LIMD1: variants seen among roughly 807,000 people sequenced by gnomAD.
LIMD1 encodes the protein LIM domain-containing protein 1.
Under a neutral mutation model 58.4 loss-of-function variants are expected in LIMD1, and 23 were observed. The ratio of observed to expected loss-of-function variants is 0.39; its 90% CI spans 0.28 to 0.56. LIMD1 has a LOEUF of 0.56. Ranked by LOEUF, LIMD1 falls within the 20% of genes least tolerant of loss-of-function variation. The probability of loss-of-function intolerance (pLI) is 0.57; values close to 1 mark genes in which losing one functional copy is unlikely to be tolerated. For synonymous variants in LIMD1, 334 were observed against 345.5 expected (o/e 0.97, Z 0.37); for missense variants, 838 against 855.5 (o/e 0.98, Z 0.25).
intron 4 of LIMD1, 25 bp downstream of exon 4, chr3:45,668,381 A>T (rs1697545108): frequency 6.3e-7 from 1 of 1,577,892 alleles, no homozygotes; most frequent in Non-Finnish European, 8.7e-7. Context: ...CAAAGAAGAG[A>T]ACAGCATCTC....
intron 1 of LIMD1, 75 bp downstream of exon 1, chr3:45,596,362 A>G (rs1053436697): frequency 3.3e-6 from 4 of 1,218,642 alleles, no homozygotes; most frequent in African/African-American, 3.0e-5. Flanking sequence ...GCCCCCTACC[A>G]GGGATGCTGT....
At chr3:45,676,060 A>G (rs1559527390) in intron 7 of LIMD1, among the ~76,000 whole-genome samples, 1 of 152,116 alleles carries the variant, frequency 6.6e-6, no homozygotes, top group Non-Finnish European at 1.5e-5. Flanking sequence ...CCTGGCCAAC[A>G]TGGTGAAACC....
chr3:45,641,363 G>A (rs931871891), intron 2 of LIMD1, among the ~76,000 whole-genome samples: 11 of 151,960 alleles, frequency 7.2e-5, no homozygotes, highest in Middle Eastern at 3.4e-3. Context: ...TCTTATCTTG[G>A]TTATTGATAG....
chr3:45,662,553 A>G (rs1409361779), intron 2 of LIMD1, among the ~76,000 whole-genome samples: 1 of 152,196 alleles, frequency 6.6e-6, no homozygotes, highest in African/African-American at 2.4e-5. Context: ...TATAAAGGAA[A>G]TAAAATATTA....
intron 2 of LIMD1, among the ~76,000 whole-genome samples, chr3:45,661,147 A>G (rs1697432041): frequency 6.6e-6 from 1 of 152,272 alleles, no homozygotes; most frequent in African/African-American, 2.4e-5. Flanking sequence ...ATGCACCCCC[A>G]CCCACATTCC....
chr3:45,636,095 A>G, intron 1 of LIMD1, 55 bp from the exon 2 acceptor site: 3 of 1,605,600 alleles, frequency 1.9e-6, no homozygotes, highest in Middle Eastern at 1.7e-4. Context: ...CTTTTTTATG[A>G]CTCAGTTTAC....
intron 1 of LIMD1, among the ~76,000 whole-genome samples, chr3:45,599,023 G>A (rs1454840789): frequency 6.6e-6 from 1 of 152,134 alleles, no homozygotes; most frequent in African/African-American, 2.4e-5. Context: ...GGTCATATTG[G>A]GTACTGCTGG....
In LIMD1 at chr3:45,636,245, G is replaced by A; in HGVS notation, c.1504G>A (p.Ala502Thr). Reference sequence around the variant, plus strand: ...CCATGACACATGCTTCACCTGTGCAGCTTGCAGTAAGTGTGGGTGTGGGTG... The same window carrying A: ...CCATGACACATGCTTCACCTGTGCAACTTGCAGTAAGTGTGGGTGTGGGTG... ...LYHDTCFTCA[A>T]CSRKLRGKAF... The change falls in exon 2 of 8, where the codon GCT becomes ACT. Residue 502 changes from alanine to threonine, a missense_variant. Physicochemically the swap from Ala to Thr is moderately conservative, Grantham distance 58. Coordinates refer to ENST00000273317, the MANE Select transcript of LIMD1 (RefSeq NM_014240.3). 3 of 1,606,804 alleles carry A rather than the reference G, an allele frequency of 1.9e-6. No individual in the cohort carries two copies. The highest frequency in any genetic ancestry group is 2.6e-6 in the Non-Finnish European group (3 of 1,176,232).
chr3:45,622,775 T>C (rs1241655384), intron 1 of LIMD1, among the ~76,000 whole-genome samples: 2 of 152,018 alleles, frequency 1.3e-5, no homozygotes, highest in East Asian at 3.9e-4. Context: ...TTCAAGCAAT[T>C]CTCCTGCCTC....
At chr3:45,643,113 G>T (rs1178989882) in intron 2 of LIMD1, among the ~76,000 whole-genome samples, 1 of 152,194 alleles carries the variant, frequency 6.6e-6, no homozygotes, top group Non-Finnish European at 1.5e-5. Flanking sequence ...GCTCCCACCT[G>T]TGCCTCAGAA....
At chr3:45,664,570 G>C (rs1209437738) in intron 2 of LIMD1, among the ~76,000 whole-genome samples, 1 of 152,212 alleles carries the variant, frequency 6.6e-6, no homozygotes, top group African/African-American at 2.4e-5. Flanking sequence ...CAGCAAAGAA[G>C]ATGGATTTGT....
In LIMD1 at chr3:45,636,187, T is replaced by C; in HGVS notation, c.1446T>C (p.Ala482=). The change falls in exon 2 of 8, where the codon GCT becomes GCC. Residue 482 remains alanine, a synonymous_variant. Transcript: ENST00000273317. The part of the protein sequence containing the change: ...CVKCSKGVFG[A]GQACQAMGNL... ...AATGCAGCAAAGGGGTGTTTGGGGC[T>C]GGCCAGGCCTGTCAGGCCATGGGGA... 6.2e-7 allele frequency: 1 copy of C among 1,613,192 alleles called. No homozygotes were observed. Among genetic ancestry groups the C allele is most frequent in the Non-Finnish European group, 8.5e-7 (1 of 1,179,500 alleles).
chr3:45,601,429 G>T (rs1701410206), intron 1 of LIMD1, among the ~76,000 whole-genome samples: 1 of 152,214 alleles, frequency 6.6e-6, no homozygotes, highest in Non-Finnish European at 1.5e-5. Context: ...GGGCTGACAG[G>T]AGGGCAACCT....
chr3:45,675,799 G>T (rs904695398), intron 7 of LIMD1, among the ~76,000 whole-genome samples: 3 of 152,088 alleles, frequency 2.0e-5, no homozygotes, highest in Non-Finnish European at 4.4e-5. Flanking sequence ...ATGAGCCCAG[G>T]AGTTTGAGAA....
chr3:45,604,183 G>A (rs764577672), intron 1 of LIMD1, among the ~76,000 whole-genome samples: 3 of 152,232 alleles, frequency 2.0e-5, no homozygotes, highest in Non-Finnish European at 2.9e-5. Flanking sequence ...AGGAGTTGGT[G>A]CCGTCTGCCC....
chr3:45,637,574 C>T (rs1247448039), intron 2 of LIMD1, among the ~76,000 whole-genome samples: 2 of 152,166 alleles, frequency 1.3e-5, no homozygotes, highest in Admixed American at 6.5e-5. Flanking sequence ...CCACTGCGCC[C>T]GCCCAAGTGG....
intron 2 of LIMD1, among the ~76,000 whole-genome samples, chr3:45,654,560 G>C (rs1702006549): frequency 1.3e-5 from 2 of 152,072 alleles, no homozygotes; most frequent in Non-Finnish European, 2.9e-5. Context: ...GCCTGCAGGT[G>C]GCTCACACCT....
At chr3:45,618,195 C>A (rs550752871) in intron 1 of LIMD1, among the ~76,000 whole-genome samples, 3 of 152,204 alleles carry the variant, frequency 2.0e-5, no homozygotes, top group East Asian at 3.9e-4. Flanking sequence ...CAGTTGAAAG[C>A]GTGCTGAGTG....
At chr3:45,661,181 A>G (rs1697432376) in intron 2 of LIMD1, among the ~76,000 whole-genome samples, 1 of 152,204 alleles carries the variant, frequency 6.6e-6, no homozygotes, top group South Asian at 2.1e-4. Context: ...ACTTTGTTTC[A>G]GGTTATAAAA....
Sources: allele counts gnomAD v4.1 joint callset (sites outside exome capture counted in the v4.1 genomes callset), GRCh38; gene constraint gnomAD v4.1.1; transcripts MANE v1.5; gene names NCBI Gene and HGNC (gene_info 2026-07-23, HGNC 2026-07-21).